The following MCTP1 variants were observed in gnomAD, a reference collection of about 807,000 sequenced individuals.
MCTP1 encodes the protein multiple C2 and transmembrane domain containing 1.
In MCTP1, 69 loss-of-function variants were observed where a neutral mutation model predicts 120.6. The ratio of observed to expected loss-of-function variants is 0.57; its 90% CI spans 0.47 to 0.70. The LOEUF is 0.70. Ranked by LOEUF, MCTP1 falls within the 30% of genes least tolerant of loss-of-function variation. The pLI, the probability that MCTP1 is intolerant of heterozygous loss-of-function variation, is 0.00. For missense variants in MCTP1, 1,203 were observed against 1,248.8 expected (o/e 0.96, Z 0.55); for synonymous variants, 529 against 493.1 (o/e 1.07, Z -0.96).
At chr5:94,814,753 A>T (rs1017052758) in intron 17 of MCTP1, among the ~76,000 whole-genome samples, 1 of 152,210 alleles carries the variant, frequency 6.6e-6, no homozygotes, top group Admixed American at 6.5e-5. Context: ...CAACATGCAG[A>T]AAGAAAAAAA....
intron 1 of MCTP1, among the ~76,000 whole-genome samples, chr5:95,139,269 T>C (rs1759710601): frequency 6.6e-6 from 1 of 152,254 alleles, no homozygotes; most frequent in Non-Finnish European, 1.5e-5. Context: ...AATTATATTA[T>C]TCTTAATGTC....
At chr5:95,001,861 A>T (rs1203476548) in intron 2 of MCTP1, among the ~76,000 whole-genome samples, 1 of 152,198 alleles carries the variant, frequency 6.6e-6, no homozygotes, top group South Asian at 2.1e-4. Flanking sequence ...TCACGAAGAC[A>T]ATGGGGAAAT....
chr5:95,187,026 T>C (rs1419664598), intron 1 of MCTP1, among the ~76,000 whole-genome samples: 1 of 152,236 alleles, frequency 6.6e-6, no homozygotes, highest in Non-Finnish European at 1.5e-5. Flanking sequence ...ACAACTACTA[T>C]GGAATACAGT....
intron 9 of MCTP1, 76 bp from the exon 10 acceptor site, chr5:94,909,457 A>C: frequency 7.0e-7 from 1 of 1,430,888 alleles, no homozygotes; most frequent in Non-Finnish European, 9.5e-7. Context: ...ACTAAATCAA[A>C]CTTTTGGTAC....
chr5:95,034,051 ACACTGTTGAAAGAAGT>A (rs1371851092), intron 1 of MCTP1, among the ~76,000 whole-genome samples: 1 of 152,082 alleles, frequency 6.6e-6, no homozygotes, highest in Non-Finnish European at 1.5e-5. Flanking sequence ...GAATTACAAA[ACACTGTTGAAAGAAGT>A]CACAGATGAC....
intron 1 of MCTP1, among the ~76,000 whole-genome samples, chr5:95,143,928 G>C (rs1760152102): frequency 1.3e-5 from 2 of 152,156 alleles, no homozygotes; most frequent in African/African-American, 4.8e-5. Context: ...TTAGTAATGG[G>C]ATTGCTGGGT....
intron 1 of MCTP1, among the ~76,000 whole-genome samples, chr5:95,183,028 A>G (rs1002424610): frequency 4.0e-5 from 6 of 149,290 alleles, no homozygotes; most frequent in Non-Finnish European, 8.9e-5. Flanking sequence ...TCCGTCTCAA[A>G]AAAAAAAAAA....
chr5:95,126,726 G>A (rs917656690), intron 1 of MCTP1, among the ~76,000 whole-genome samples: 1 of 152,084 alleles, frequency 6.6e-6, no homozygotes, highest in African/African-American at 2.4e-5. Context: ...TTTCATACAT[G>A]GAAGTGACTG....
At chr5:94,843,141 C>T (rs116534486) in intron 17 of MCTP1, among the ~76,000 whole-genome samples, 1 of 151,564 alleles carries the variant, frequency 6.6e-6, no homozygotes, top group Non-Finnish European at 1.5e-5. Flanking sequence ...AAAAATTCAT[C>T]GACATTGACA....
At chr5:94,794,279 C>G (rs1779557628) in intron 18 of MCTP1, among the ~76,000 whole-genome samples, 1 of 152,118 alleles carries the variant, frequency 6.6e-6, no homozygotes, top group Non-Finnish European at 1.5e-5. Context: ...AATTTATTCA[C>G]AAAAAAATTA....
chr5:95,081,248 C>T (rs11135420), intron 1 of MCTP1, among the ~76,000 whole-genome samples: 73,611 of 151,968 alleles, frequency 0.48, 20,277 homozygotes, highest in Admixed American at 0.62. Flanking sequence ...CAATGTATTA[C>T]ACTATGTATC....
chr5:95,009,056 A>AAGAGAGAGAGAG (rs201724037), intron 2 of MCTP1, among the ~76,000 whole-genome samples: 9 of 129,470 alleles, frequency 7.0e-5, no homozygotes, highest in African/African-American at 2.8e-4. Context: ...GAGAGGGAGA[A>AAGAGAGAGAGAG]AGAGAGAGAG....
At chr5:95,175,292 T>C (rs933182675) in intron 1 of MCTP1, among the ~76,000 whole-genome samples, 1 of 152,186 alleles carries the variant, frequency 6.6e-6, no homozygotes, top group Non-Finnish European at 1.5e-5. Flanking sequence ...GAGTTTTCAA[T>C]TGAGAGGGAT....
At chr5:95,197,781 G>T (rs976122629) in intron 1 of MCTP1, among the ~76,000 whole-genome samples, 5 of 151,824 alleles carry the variant, frequency 3.3e-5, no homozygotes, top group African/African-American at 7.3e-5. Context: ...TTGTCCCTTG[G>T]TATCCACGTG....
chr5:95,200,069 G>A (rs1750838008), intron 1 of MCTP1, among the ~76,000 whole-genome samples: 1 of 151,630 alleles, frequency 6.6e-6, no homozygotes, highest in African/African-American at 2.4e-5. Context: ...GCTGAGGCAG[G>A]AGAATCACTT....
chr5:94,976,792 T>G (rs1828213701), intron 2 of MCTP1: 2 of 152,152 alleles, frequency 1.3e-5, no homozygotes, highest in Non-Finnish European at 2.9e-5. Context: ...GTAGCACAAC[T>G]GTATTTTCTC....
intron 2 of MCTP1, among the ~76,000 whole-genome samples, chr5:94,975,519 C>T (rs971258329): frequency 2.0e-5 from 3 of 151,900 alleles, no homozygotes; most frequent in African/African-American, 7.3e-5. Flanking sequence ...TCTTAGACTT[C>T]CCAGGCTTTA....
intron 12 of MCTP1, among the ~76,000 whole-genome samples, chr5:94,884,050 C>CA (rs1800713987): frequency 6.6e-6 from 1 of 152,016 alleles, no homozygotes; most frequent in African/African-American, 2.4e-5. Flanking sequence ...ATAATAAATC[C>CA]AAATCTTTGT....
At chr5:95,231,581 T>C (rs528182983) in intron 1 of MCTP1, among the ~76,000 whole-genome samples, 60 of 152,318 alleles carry the variant, frequency 3.9e-4, no homozygotes, top group African/African-American at 1.4e-3. Flanking sequence ...TGAGTGATTC[T>C]ATACCACAGC....
Sources: gnomAD v4.1 joint callset for allele counts (sites outside exome capture counted in the v4.1 genomes callset) on GRCh38, gnomAD v4.1.1 for gene constraint, MANE v1.5 for transcripts, NCBI Gene and HGNC (gene_info 2026-07-23, HGNC 2026-07-21) for gene names.